TPH2: variants seen among roughly 807,000 people sequenced by gnomAD.
TPH2 encodes the protein tryptophan hydroxylase 2, also known as tryptophan 5-hydroxylase 2.
Under a neutral mutation model 59.1 loss-of-function variants are expected in TPH2, and 27 were observed. That is an observed-to-expected ratio of 0.46 (90% CI 0.34 to 0.63). The LOEUF (loss-of-function observed/expected upper bound fraction) is 0.63. TPH2 is among the 30% of genes least tolerant of loss of function. The pLI is 0.01. For missense variants in TPH2, 523 were observed against 588.3 expected (o/e 0.89, Z 1.15); for synonymous variants, 220 against 210.5 (o/e 1.05, Z -0.39).
chr12:71,984,632 C>G (rs954530199), intron 7 of TPH2, among the ~76,000 whole-genome samples: 1 of 152,196 alleles, frequency 6.6e-6, no homozygotes, highest in African/African-American at 2.4e-5. Flanking sequence ...TTAGCTTAAA[C>G]TTGTTCTTTC....
intron 8 of TPH2, among the ~76,000 whole-genome samples, chr12:72,016,281 C>T (rs1391602213): frequency 6.6e-6 from 1 of 152,096 alleles, no homozygotes; most frequent in Non-Finnish European, 1.5e-5. Flanking sequence ...ATGAATTATA[C>T]AGTTCTTTAG....
At chr12:71,949,044 TA>T (rs1871275719) in intron 4 of TPH2, among the ~76,000 whole-genome samples, 1 of 152,220 alleles carries the variant, frequency 6.6e-6, no homozygotes, top group Admixed American at 6.5e-5. Context: ...ATGAATTCCC[TA>T]AAATCGATTT....
intron 8 of TPH2, among the ~76,000 whole-genome samples, chr12:72,003,458 G>A (rs1872875939): frequency 6.6e-6 from 1 of 152,194 alleles, no homozygotes; most frequent in Non-Finnish European, 1.5e-5. Flanking sequence ...ATATAGAAGA[G>A]TAGTAGCATC....
chr12:71,961,450 G>C, intron 5 of TPH2: 1 of 1,066,376 alleles, frequency 9.4e-7, no homozygotes, highest in Non-Finnish European at 1.2e-6. Flanking sequence ...CTCTGAAAAA[G>C]ATAGGGCCTA....
At chr12:72,001,345 A>G (rs1414188799) in intron 8 of TPH2, among the ~76,000 whole-genome samples, 1 of 152,158 alleles carries the variant, frequency 6.6e-6, no homozygotes, top group Non-Finnish European at 1.5e-5. Context: ...GCCTTATGAA[A>G]TGGCATTATG....
intron 2 of TPH2, among the ~76,000 whole-genome samples, chr12:71,942,983 A>T (rs969168996): frequency 6.6e-6 from 1 of 152,148 alleles, no homozygotes; most frequent in Non-Finnish European, 1.5e-5. Flanking sequence ...TCAGCTAGTC[A>T]CGGGGCCTTA....
intron 6 of TPH2, 101 bp downstream of exon 6, chr12:71,972,816 A>C: frequency 7.7e-7 from 1 of 1,290,996 alleles, no homozygotes; most frequent in Non-Finnish European, 1.1e-6. Context: ...AAGGAAAAAC[A>C]GTGATTTAAA....
At chr12:72,009,500 G>A (rs987523977) in intron 8 of TPH2, among the ~76,000 whole-genome samples, 1 of 152,148 alleles carries the variant, frequency 6.6e-6, no homozygotes, top group African/African-American at 2.4e-5. Flanking sequence ...TTGTAATATG[G>A]CTTTTTAATA....
rs58438005 is a variant in TPH2, at chr12:72,012,173, T to TCAA, written c.1069-10204_1069-10202dup. Among the ~76,000 whole-genome samples the TCAA allele has an allele frequency of 1.5e-3, 221 of 151,650 alleles. 1 individual carries two copies. Among genetic ancestry groups the TCAA allele is most frequent in the East Asian group, 0.012 (63 of 5,132 alleles). On this transcript the variant is annotated intron_variant, in intron 8 of 10. Coordinates refer to ENST00000333850, the MANE Select transcript of TPH2 (RefSeq NM_173353.4). ...AGGCAGGATGATAGAGAGCAGGAAT[T>TCAA]CAACAACAACAACAACAACAACAAT...
chr12:72,026,822 T>C (rs957528494), intron 9 of TPH2, among the ~76,000 whole-genome samples: 1 of 152,212 alleles, frequency 6.6e-6, no homozygotes, highest in Non-Finnish European at 1.5e-5. Context: ...CATCATTGCC[T>C]AATTTGGCAA....
At chr12:71,948,850 A>T (rs1194266177) in intron 4 of TPH2, among the ~76,000 whole-genome samples, 1 of 152,164 alleles carries the variant, frequency 6.6e-6, no homozygotes, top group Non-Finnish European at 1.5e-5. Context: ...GTCTGTTGAC[A>T]AGAGGAGAGA....
intron 8 of TPH2, among the ~76,000 whole-genome samples, chr12:71,997,182 A>G (rs1872713091): frequency 6.6e-6 from 1 of 152,146 alleles, no homozygotes; most frequent in East Asian, 1.9e-4. Flanking sequence ...AAAGCCAGCA[A>G]CGCTGCATCT....
chr12:72,032,255 G>T lies in TPH2; in HGVS notation c.*560G>T. 6.3e-6 allele frequency: 1 copy of T among 159,778 alleles called. No individual in the cohort carries two copies. The allele number at this position is 159,778 out of a possible 1,614,324, so 9.9% of individuals were successfully genotyped here. ...TAGGTTGAGTATTTACACAATGCAA[G>T]AAAACACCTTTTTACAAATGGAATT... On this transcript the variant is annotated 3_prime_UTR_variant, in exon 11 of 11. Transcript: ENST00000333850.
chr12:71,951,039 C>T (rs1225420691), intron 5 of TPH2, among the ~76,000 whole-genome samples: 2 of 152,118 alleles, frequency 1.3e-5, no homozygotes, highest in African/African-American at 4.8e-5. Context: ...TGCCTATTCT[C>T]ATCTCCTCTG....
Position 71,944,434 on chromosome 12 carries a change from T to A in TPH2, c.396T>A (p.Ile132=), listed in dbSNP as rs762749616. The A allele has an allele frequency of 3.5e-5, 57 of 1,613,904 alleles. 1 individual carries two copies. The highest frequency in any genetic ancestry group is 4.7e-5 in the Non-Finnish European group (56 of 1,179,900). The part of the protein sequence containing the change: ...LIQLLKFQTT[I]VTLNPPENIW... Reference sequence around the variant, plus strand: ...AGTTGCTGAAATTTCAAACCACTATTGTGACGCTGAATCCTCCAGAGAACA... The same window carrying A: ...AGTTGCTGAAATTTCAAACCACTATAGTGACGCTGAATCCTCCAGAGAACA... Residue 132 remains isoleucine (I), a synonymous_variant, in exon 3 of 11, where the codon ATT becomes ATA. Transcript: ENST00000333850.
chr12:71,969,628 C>G (rs1430228744), intron 5 of TPH2, among the ~76,000 whole-genome samples: 3 of 152,180 alleles, frequency 2.0e-5, no homozygotes, highest in African/African-American at 7.2e-5. Context: ...ATATATCCTA[C>G]TATGACATAT....
At chr12:72,018,587 G>T (rs1386485) in intron 8 of TPH2, among the ~76,000 whole-genome samples, 80,074 of 151,900 alleles carry the variant, frequency 0.53, 22,422 homozygotes, top group Non-Finnish European at 0.64. Flanking sequence ...TGACCCAAAC[G>T]CTCCTGTAGC....
chr12:72,022,911 C>T (rs1198101884), intron 9 of TPH2, among the ~76,000 whole-genome samples: 1 of 152,182 alleles, frequency 6.6e-6, no homozygotes, highest in African/African-American at 2.4e-5. Context: ...GCATCTACTT[C>T]CTAAAAGGGA....
chr12:71,954,207 G>T (rs1871432026), intron 5 of TPH2, among the ~76,000 whole-genome samples: 1 of 152,142 alleles, frequency 6.6e-6, no homozygotes, highest in African/African-American at 2.4e-5. Flanking sequence ...ACTGTCGATA[G>T]ATGCCACTCA....
Sources: allele counts gnomAD v4.1 joint callset (sites outside exome capture counted in the v4.1 genomes callset), GRCh38; gene constraint gnomAD v4.1.1; transcripts MANE v1.5; gene names NCBI Gene and HGNC (gene_info 2026-07-23, HGNC 2026-07-21).